The following PCSK5 variants were observed in gnomAD, a reference collection of about 807,000 sequenced individuals.
PCSK5 encodes prohormone convertase 5.
Under a neutral mutation model 233.2 loss-of-function variants are expected in PCSK5, and 129 were observed. The observed-to-expected ratio is 0.55, with a 90% CI of 0.48 to 0.64. The LOEUF is 0.64. Among genes scored for constraint, PCSK5 ranks in the 30% least tolerant of loss-of-function variants. The probability of loss-of-function intolerance (pLI) is 0.00; values close to 1 mark genes in which losing one functional copy is unlikely to be tolerated. For missense variants in PCSK5, 2,076 were observed against 2,430.1 expected (o/e 0.85, Z 3.06); for synonymous variants, 825 against 879.2 (o/e 0.94, Z 1.09).
intron 5 of PCSK5, among the ~76,000 whole-genome samples, chr9:76,037,953 A>C (rs953345895): frequency 3.3e-5 from 5 of 152,164 alleles, no homozygotes; most frequent in Admixed American, 1.3e-4. Context: ...AGAGTTTACC[A>C]CTTCCTATTT....
intron 2 of PCSK5, among the ~76,000 whole-genome samples, chr9:75,968,553 A>T (rs556000662): frequency 7.3e-4 from 111 of 152,320 alleles, no homozygotes; most frequent in Non-Finnish European, 1.4e-3. Context: ...TGTGCTCTGG[A>T]AGCACCATAG....
chr9:76,285,278 GAGATT>G, intron 24 of PCSK5, among the ~76,000 whole-genome samples: 1 of 152,278 alleles, frequency 6.6e-6, no homozygotes, highest in South Asian at 2.1e-4. Flanking sequence ...CCAAAAGGTT[GAGATT>G]GTCTGGGAGA....
Position 76,188,630 on chromosome 9 carries a change from G to C in PCSK5, c.2335G>C (p.Gly779Arg), listed in dbSNP as rs775597557. 1.2e-6 allele frequency: 2 copies of C among 1,613,792 alleles called. No homozygotes were observed. The highest frequency in any genetic ancestry group is 1.7e-4 in the Middle Eastern group (1 of 6,058). The change falls in exon 18 of 38, where the codon GGC (glycine) becomes CGC (arginine). Residue 779 changes from glycine (G) to arginine (R), a missense_variant. Coordinates refer to ENST00000674117, the MANE Select transcript of PCSK5 (RefSeq NM_001372043.1). ...CTGTGAAGATGGACGGTATTTCAAC[G>C]GCCAGGACTGCCAGCCCTGCCACCG... ...VSCEDGRYFN[G>R]QDCQPCHRFC...
intron 33 of PCSK5, among the ~76,000 whole-genome samples, chr9:76,329,270 G>T (rs923049059): frequency 3.3e-5 from 5 of 151,862 alleles, no homozygotes; most frequent in Non-Finnish European, 5.9e-5. Context: ...CAAGTAGATG[G>T]GATGGGATTA....
chr9:76,256,301 A>G (rs532444305), intron 24 of PCSK5, among the ~76,000 whole-genome samples: 1 of 152,308 alleles, frequency 6.6e-6, no homozygotes, highest in East Asian at 1.9e-4. Flanking sequence ...AGTTCCTCCT[A>G]CTTGTTGTGT....
intron 7 of PCSK5, among the ~76,000 whole-genome samples, chr9:76,093,220 A>G (rs948305932): frequency 6.6e-5 from 10 of 151,744 alleles, no homozygotes; most frequent in Admixed American, 6.6e-4. Flanking sequence ...TCAGCCCCTA[A>G]AATAGCTGAG....
intron 4 of PCSK5, among the ~76,000 whole-genome samples, chr9:76,025,749 T>G (rs1037581475): frequency 6.6e-6 from 1 of 152,110 alleles, no homozygotes; most frequent in Non-Finnish European, 1.5e-5. Flanking sequence ...CTTAGGAAAT[T>G]TAACTGAAAA....
At chr9:75,941,735 A>G (rs1382891415) in intron 2 of PCSK5, among the ~76,000 whole-genome samples, 1 of 152,110 alleles carries the variant, frequency 6.6e-6, no homozygotes, top group Non-Finnish European at 1.5e-5. Flanking sequence ...GGATCCATTT[A>G]TGGTGACACG....
intron 20 of PCSK5, among the ~76,000 whole-genome samples, chr9:76,215,215 C>A (rs1324722432): frequency 6.6e-6 from 1 of 152,144 alleles, no homozygotes; most frequent in Non-Finnish European, 1.5e-5. Context: ...GGGCCCCAGG[C>A]ACATCATACC....
At chr9:76,089,675 GC>G (rs1055703670) in intron 7 of PCSK5, among the ~76,000 whole-genome samples, 61 of 152,126 alleles carry the variant, frequency 4.0e-4, no homozygotes, top group African/African-American at 1.4e-3. Context: ...AAAATACTAA[GC>G]AATACAGGAG....
At chr9:75,891,983 A>T (rs986431666) in intron 1 of PCSK5, among the ~76,000 whole-genome samples, 3 of 150,926 alleles carry the variant, frequency 2.0e-5, no homozygotes, top group African/African-American at 7.3e-5. Context: ...TTTAGGGGAG[A>T]CCTCTAGGCT....
chr9:76,332,964 G>A (rs1829578202), intron 34 of PCSK5, among the ~76,000 whole-genome samples: 1 of 152,198 alleles, frequency 6.6e-6, no homozygotes, highest in Middle Eastern at 3.2e-3. Context: ...ATCACTTAAG[G>A]CAGGAGTTTG....
At chr9:76,048,144 T>C (rs1587549251) in intron 5 of PCSK5, among the ~76,000 whole-genome samples, 1 of 152,230 alleles carries the variant, frequency 6.6e-6, no homozygotes, top group East Asian at 1.9e-4. Flanking sequence ...TCTTAAATAT[T>C]ATTTTCATTG....
chr9:76,262,154 A>G (rs183139116), intron 24 of PCSK5, among the ~76,000 whole-genome samples: 161 of 152,300 alleles, frequency 1.1e-3, no homozygotes, highest in African/African-American at 3.7e-3. Context: ...AGAACATTCC[A>G]TGCTCATGGG....
intron 9 of PCSK5, among the ~76,000 whole-genome samples, chr9:76,126,989 C>G (rs932493483): frequency 1.3e-5 from 2 of 150,428 alleles, no homozygotes; most frequent in Admixed American, 1.3e-4. Flanking sequence ...ATTCTAGAAC[C>G]CAAAATGCTT....
chr9:76,356,490 A>G (rs1830307688), intron 37 of PCSK5, among the ~76,000 whole-genome samples: 1 of 152,234 alleles, frequency 6.6e-6, no homozygotes, highest in Non-Finnish European at 1.5e-5. Context: ...AAAGGTTTTC[A>G]TATTGATTCT....
At chr9:75,926,248 G>A (rs1224584404) in intron 1 of PCSK5, among the ~76,000 whole-genome samples, 2 of 151,470 alleles carry the variant, frequency 1.3e-5, no homozygotes, top group South Asian at 2.1e-4. Context: ...GGTTATTGAG[G>A]TATAATTTAC....
intron 5 of PCSK5, among the ~76,000 whole-genome samples, chr9:76,044,190 T>A (rs1281554721): frequency 6.6e-6 from 1 of 152,188 alleles, no homozygotes; most frequent in Non-Finnish European, 1.5e-5. Flanking sequence ...AGGAACAACT[T>A]CAGATGTAGA....
At chr9:75,932,107 T>C (rs1823833755) in intron 1 of PCSK5, among the ~76,000 whole-genome samples, 1 of 152,228 alleles carries the variant, frequency 6.6e-6, no homozygotes, top group African/African-American at 2.4e-5. Context: ...AAATTAAACA[T>C]TAAAAGGAGA....
Sources: gnomAD v4.1 joint callset for allele counts (sites outside exome capture counted in the v4.1 genomes callset) on GRCh38, gnomAD v4.1.1 for gene constraint, MANE v1.5 for transcripts, NCBI Gene and HGNC (gene_info 2026-07-23, HGNC 2026-07-21) for gene names.